ATP9B: variants seen among roughly 807,000 people sequenced by gnomAD.
ATP9B encodes the protein ATPase phospholipid transporting 9B.
In ATP9B, 110 loss-of-function variants were observed where a neutral mutation model predicts 146.1. That is an observed-to-expected ratio of 0.75 (90% CI 0.65 to 0.88). The LOEUF (loss-of-function observed/expected upper bound fraction) is 0.88. Among genes scored for constraint, ATP9B ranks in the 40% least tolerant of loss-of-function variants. The pLI, the probability that ATP9B is intolerant of heterozygous loss-of-function variation, is 0.00. For missense variants in ATP9B, 1,499 were observed against 1,496.4 expected, an observed-to-expected ratio of 1.00 and a Z score of -0.03; for synonymous variants, 604 against 569.7, an observed-to-expected ratio of 1.06 and a Z score of -0.86.
Position 79,143,782 on chromosome 18 carries a change from G to A in ATP9B, c.668-20G>A. On this transcript the variant is annotated intron_variant, in intron 5 of 29. Transcript: ENST00000426216. The stretch of plus-strand genomic sequence containing the variant: ...GTGCTGTTGTTTCCTTGAGTTGACT[G>A]TACTTCTTCTTTTTTTAAGGTAAAG... 6.5e-7 allele frequency: 1 copy of A among 1,534,778 alleles called. No individual in the cohort carries two copies. The highest frequency in any genetic ancestry group is 8.8e-7 in the Non-Finnish European group (1 of 1,132,032).
chr18:79,111,422 T>C (rs553905272), intron 3 of ATP9B, among the ~76,000 whole-genome samples: 2 of 151,414 alleles, frequency 1.3e-5, no homozygotes, highest in South Asian at 4.2e-4. Context: ...CACCTAGTGA[T>C]TGGCAAATAC....
chr18:79,347,360 A>AAATATTC (rs1960306507), intron 23 of ATP9B, among the ~76,000 whole-genome samples: 1 of 152,208 alleles, frequency 6.6e-6, no homozygotes, highest in Non-Finnish European at 1.5e-5. Context: ...AAAAAACAGA[A>AAATATTC]TTGTCTTGAA....
At chr18:79,350,344 G>T (rs573578011) in intron 25 of ATP9B, among the ~76,000 whole-genome samples, 1 of 152,310 alleles carries the variant, frequency 6.6e-6, no homozygotes, top group South Asian at 2.1e-4. Flanking sequence ...TCTGTTTTAG[G>T]CCCCTGCCTG....
In ATP9B at chr18:79,348,304, A is replaced by T. The variant is rs997862233; in HGVS notation, c.2903+108A>T. The T allele has an allele frequency of 3.7e-6, 4 of 1,067,076 alleles. No homozygotes were observed. The Admixed American group carries it at 8.6e-5, about 23-fold the overall frequency. The allele number at this position is 1,067,076 out of a possible 1,614,324, so 66.1% of individuals were successfully genotyped here. A position where few individuals can be genotyped will look rare whatever the true frequency, so the allele number is the denominator to read the frequency against. On this transcript the variant is annotated intron_variant, in intron 25 of 29. Coordinates refer to ENST00000426216, the MANE Select transcript of ATP9B (RefSeq NM_198531.5). The stretch of plus-strand genomic sequence containing the variant: ...TATATAGAAGATTCTTGATACAGTC[A>T]TCATTTAGAATGAATAATACTGATG...
intron 5 of ATP9B, among the ~76,000 whole-genome samples, chr18:79,129,719 G>T (rs1166149508): frequency 6.6e-6 from 1 of 151,888 alleles, no homozygotes; most frequent in Admixed American, 6.6e-5. Context: ...AGAATTACCA[G>T]ATTATAATGT....
intron 9 of ATP9B, among the ~76,000 whole-genome samples, chr18:79,201,044 G>A (rs939515493): frequency 2.0e-5 from 3 of 152,208 alleles, no homozygotes; most frequent in Non-Finnish European, 4.4e-5. Context: ...CCTGGTGATG[G>A]TGACCACTTG....
chr18:79,177,993 G>A (rs1305580324), intron 8 of ATP9B, among the ~76,000 whole-genome samples: 1 of 152,232 alleles, frequency 6.6e-6, no homozygotes, highest in South Asian at 2.1e-4. Flanking sequence ...ATGAAGGAAG[G>A]TAGGTTCTAC....
chr18:79,235,520 C>T (rs1431411648), intron 11 of ATP9B, among the ~76,000 whole-genome samples: 1 of 152,010 alleles, frequency 6.6e-6, no homozygotes, highest in East Asian at 1.9e-4. Context: ...TTTTCTGTGA[C>T]ACTTTTTGGT....
intron 1 of ATP9B, among the ~76,000 whole-genome samples, chr18:79,090,788 C>G (rs1208655344): frequency 6.6e-6 from 1 of 152,056 alleles, no homozygotes; most frequent in East Asian, 1.9e-4. Context: ...TAACTTGATG[C>G]TATCTCGTTT....
At chr18:79,195,700 A>T (rs1266783425) in intron 9 of ATP9B, among the ~76,000 whole-genome samples, 1 of 152,240 alleles carries the variant, frequency 6.6e-6, no homozygotes, top group Non-Finnish European at 1.5e-5. Context: ...AACTGAACTC[A>T]GGAGAACACT....
chr18:79,193,576 A>T (rs1417265680), intron 9 of ATP9B, among the ~76,000 whole-genome samples: 1 of 152,194 alleles, frequency 6.6e-6, no homozygotes, highest in South Asian at 2.1e-4. Context: ...TATCTTATCC[A>T]CATCATGTCT....
At chr18:79,135,538 C>G (rs1033684069) in intron 5 of ATP9B, among the ~76,000 whole-genome samples, 1 of 152,182 alleles carries the variant, frequency 6.6e-6, no homozygotes, top group South Asian at 2.1e-4. Context: ...AGTTAGGCCC[C>G]TCTTTCCGGC....
intron 15 of ATP9B, among the ~76,000 whole-genome samples, chr18:79,308,076 C>A (rs952511099): frequency 2.0e-5 from 3 of 152,048 alleles, no homozygotes; most frequent in African/African-American, 7.2e-5. Flanking sequence ...GAGTTTATTA[C>A]AAAAGAGCGC....
At chr18:79,123,109 A>G (rs1440348676) in intron 4 of ATP9B, among the ~76,000 whole-genome samples, 4 of 152,124 alleles carry the variant, frequency 2.6e-5, no homozygotes, top group African/African-American at 4.8e-5. Flanking sequence ...AGGCATCTAG[A>G]TGGAAAGAAA....
intron 1 of ATP9B, among the ~76,000 whole-genome samples, chr18:79,093,243 GTC>G (rs2074498046): frequency 6.6e-6 from 1 of 152,146 alleles, no homozygotes; most frequent in African/African-American, 2.4e-5. Context: ...GGTTGACAGA[GTC>G]TCTTAGTTTT....
At chr18:79,337,550 ATG>A in intron 19 of ATP9B, 101 bp downstream of exon 19, 1 of 1,461,704 alleles carries the variant, frequency 6.8e-7, no homozygotes, top group South Asian at 1.4e-5. Flanking sequence ...GGGGTCATGG[ATG>A]TGAGAGAGCT....
intron 8 of ATP9B, among the ~76,000 whole-genome samples, chr18:79,187,397 C>G (rs942707040): frequency 6.6e-6 from 1 of 152,182 alleles, no homozygotes; most frequent in Non-Finnish European, 1.5e-5. Context: ...AAGGAAAGGC[C>G]TGGTGAGTAC....
intron 1 of ATP9B, chr18:79,095,712 C>A (rs2074727015): frequency 6.6e-6 from 1 of 152,204 alleles, no homozygotes; most frequent in African/African-American, 2.4e-5. Flanking sequence ...TTCAGTAAGA[C>A]AGCACTTGTT....
intron 15 of ATP9B, 31 bp from the exon 16 acceptor site, chr18:79,329,110 G>A (rs139431999): frequency 6.7e-6 from 10 of 1,503,722 alleles, no homozygotes; most frequent in South Asian, 5.3e-5. Context: ...CTGAGGCAGC[G>A]GTGGCCTCAG....
Sources: gnomAD v4.1 joint callset for allele counts (sites outside exome capture counted in the v4.1 genomes callset) on GRCh38, gnomAD v4.1.1 for gene constraint, MANE v1.5 for transcripts, NCBI Gene and HGNC (gene_info 2026-07-23, HGNC 2026-07-21) for gene names.